Variants in CSMD1 observed in about 807,000 individuals in gnomAD.
CSMD1 encodes the protein CUB and sushi domain-containing protein 1.
Under a neutral mutation model 417.5 loss-of-function variants are expected in CSMD1, and 213 were observed. The ratio of observed to expected loss-of-function variants is 0.51; its 90% CI spans 0.46 to 0.57. The LOEUF is 0.57. Ranked by LOEUF, CSMD1 falls within the 20% of genes least tolerant of loss-of-function variation. The pLI, the probability that CSMD1 is intolerant of heterozygous loss-of-function variation, is 0.00. For missense variants in CSMD1, 6,923 were observed against 4,529.7 expected, an observed-to-expected ratio of 1.53 and a Z score of -15.17; for synonymous variants, 2,862 against 1,736.8, an observed-to-expected ratio of 1.65 and a Z score of -16.11.
intron 1 of CSMD1, among the ~76,000 whole-genome samples, chr8:4,757,249 C>G (rs1423911807): frequency 6.6e-6 from 1 of 152,150 alleles, no homozygotes; most frequent in Non-Finnish European, 1.5e-5. Context: ...TTGCAATTGA[C>G]TACATTTTAA....
intron 3 of CSMD1, among the ~76,000 whole-genome samples, chr8:4,385,469 C>T (rs1803385823): frequency 6.6e-6 from 1 of 152,108 alleles, no homozygotes; most frequent in Non-Finnish European, 1.5e-5. Context: ...TTTTTAAATT[C>T]ATATTTAAAA....
In CSMD1 at chr8:2,978,745, C is replaced by A. The variant is rs754746563; in HGVS notation, c.8433G>T (p.Gln2811His). The change falls in exon 55 of 70, where the codon CAG becomes CAT. Residue 2811 changes from glutamine (Q) to histidine (H), a missense_variant. Coordinates refer to ENST00000635120, the MANE Select transcript of CSMD1 (RefSeq NM_033225.6). ...CATACTCAAAACTCTCAGGGAAGTT[C>A]TGTTGCCCGTGACGAATGGCATTTT... ...FVENAIRHGQQNFPESFEYGM... is the reference protein window; with the variant it reads ...FVENAIRHGQHNFPESFEYGM... 2 of 1,613,614 alleles carry A rather than the reference C, an allele frequency of 1.2e-6. No homozygotes were observed. The highest frequency in any genetic ancestry group is 1.7e-5 in the Admixed American group (1 of 59,994).
At position 3,201,620 on chromosome 8, in the gene CSMD1, G is replaced by C. The variant is rs1796997719; in HGVS notation, c.5090C>G (p.Ser1697Cys). ...QARLLSSLSG[S>C]HSGETLPLAT... is the part of the protein sequence containing the mutation. Reference sequence around the variant, plus strand: ...AATTCTTTAAGACTTACCTGAGTGAGACCCCGAGAGTGAGCTGAGAAGTCT... The same window carrying C: ...AATTCTTTAAGACTTACCTGAGTGACACCCCGAGAGTGAGCTGAGAAGTCT... The change falls in exon 32 of 70, where the codon TCT becomes TGT. Residue 1697 changes from serine (S) to cysteine (C), a missense_variant. Ser to Cys is a moderately radical substitution (Grantham distance 112). Coordinates refer to ENST00000635120, the MANE Select transcript of CSMD1 (RefSeq NM_033225.6). The C allele has an allele frequency of 1.9e-6, 3 of 1,595,108 alleles. No homozygotes were observed. Among genetic ancestry groups the C allele is most frequent in the Non-Finnish European group, 2.6e-6 (3 of 1,168,948 alleles).
At chr8:4,545,921 C>T (rs1797609793) in intron 2 of CSMD1, among the ~76,000 whole-genome samples, 2 of 151,620 alleles carry the variant, frequency 1.3e-5, no homozygotes, top group Non-Finnish European at 2.9e-5. Flanking sequence ...CATCTAATCA[C>T]ATTCTTGCCT....
chr8:4,177,067 G>A (rs1311155689), intron 3 of CSMD1, among the ~76,000 whole-genome samples: 6 of 152,106 alleles, frequency 3.9e-5, no homozygotes, highest in South Asian at 2.1e-4. Context: ...ACTCATCTCT[G>A]CACCAAGCGG....
intron 1 of CSMD1, among the ~76,000 whole-genome samples, chr8:4,638,705 C>T (rs1000002423): frequency 6.6e-6 from 1 of 152,276 alleles, no homozygotes. Flanking sequence ...TTTACTCAGC[C>T]CTCCCTTAAG....
At chr8:4,361,294 G>C (rs1241182722) in intron 3 of CSMD1, among the ~76,000 whole-genome samples, 1 of 152,106 alleles carries the variant, frequency 6.6e-6, no homozygotes, top group African/African-American at 2.4e-5. Flanking sequence ...AATAATACAA[G>C]ATAAAGAAAC....
intron 1 of CSMD1, among the ~76,000 whole-genome samples, chr8:4,828,538 C>T (rs1195495721): frequency 6.6e-6 from 1 of 152,224 alleles, no homozygotes; most frequent in East Asian, 1.9e-4. Flanking sequence ...CCTGAGCCAT[C>T]CTGTGCCTTC....
chr8:4,815,346 T>G (rs373025522), intron 1 of CSMD1, among the ~76,000 whole-genome samples: 4 of 152,234 alleles, frequency 2.6e-5, no homozygotes, highest in Non-Finnish European at 5.9e-5. Context: ...ACAGTCCCAC[T>G]GTGGACAGAG....
intron 3 of CSMD1, among the ~76,000 whole-genome samples, chr8:4,055,648 C>T (rs1225336692): frequency 6.6e-6 from 1 of 151,970 alleles, no homozygotes; most frequent in Non-Finnish European, 1.5e-5. Context: ...AAAACAGAAA[C>T]TGTTTAATGT....
chr8:4,421,069 C>T (rs1797225710), intron 2 of CSMD1, among the ~76,000 whole-genome samples: 1 of 151,986 alleles, frequency 6.6e-6, no homozygotes, highest in Non-Finnish European at 1.5e-5. Flanking sequence ...TCATTTTTTC[C>T]CATTGGATGC....
intron 36 of CSMD1, among the ~76,000 whole-genome samples, chr8:3,183,938 T>C (rs932740614): frequency 1.3e-5 from 2 of 152,198 alleles, no homozygotes; most frequent in African/African-American, 4.8e-5. Context: ...TTGAGCCTGA[T>C]CTTTTCCTAA....
At chr8:4,824,628 T>C (rs958724288) in intron 1 of CSMD1, among the ~76,000 whole-genome samples, 8 of 152,172 alleles carry the variant, frequency 5.3e-5, no homozygotes, top group African/African-American at 1.9e-4. Context: ...TGTATGTGTG[T>C]GCGAACACAC....
At chr8:4,480,733 T>C (rs1029139053) in intron 2 of CSMD1, among the ~76,000 whole-genome samples, 23 of 152,318 alleles carry the variant, frequency 1.5e-4, no homozygotes, top group African/African-American at 5.3e-4. Flanking sequence ...GAATCCACTT[T>C]TTTGAGGTTT....
At chr8:3,575,271 G>T (rs1422426776) in intron 9 of CSMD1, among the ~76,000 whole-genome samples, 1 of 151,714 alleles carries the variant, frequency 6.6e-6, no homozygotes, top group South Asian at 2.1e-4. Context: ...GGTATCTGCA[G>T]TGTTACGCTG....
At chr8:3,217,528 A>AT (rs1425224491) in intron 29 of CSMD1, among the ~76,000 whole-genome samples, 4 of 152,048 alleles carry the variant, frequency 2.6e-5, no homozygotes, top group East Asian at 3.9e-4. Context: ...TGCCTGCATG[A>AT]TTTTGTTGGG....
chr8:4,465,939 A>C (rs956993391), intron 2 of CSMD1, among the ~76,000 whole-genome samples: 2 of 152,208 alleles, frequency 1.3e-5, no homozygotes, highest in African/African-American at 4.8e-5. Flanking sequence ...TCAGTAGAGA[A>C]ATTATGTGCT....
At chr8:3,851,243 C>G (rs542960671) in intron 5 of CSMD1, among the ~76,000 whole-genome samples, 10 of 152,290 alleles carry the variant, frequency 6.6e-5, no homozygotes, top group South Asian at 2.1e-4. Flanking sequence ...GAATTTGCAT[C>G]TAGACAAGGG....
chr8:3,084,875 A>G (rs11779099), intron 49 of CSMD1, among the ~76,000 whole-genome samples: 35,251 of 151,764 alleles, frequency 0.23, 4,225 homozygotes, highest in Non-Finnish European at 0.26. Context: ...TTAATGTTCA[A>G]AAATCCTACT....
Sources: gnomAD v4.1 joint callset for allele counts (sites outside exome capture counted in the v4.1 genomes callset) on GRCh38, gnomAD v4.1.1 for gene constraint, MANE v1.5 for transcripts, NCBI Gene and HGNC (gene_info 2026-07-23, HGNC 2026-07-21) for gene names.